TTC39C: variants seen among roughly 807,000 people sequenced by gnomAD.
TTC39C encodes the protein tetratricopeptide repeat domain 39C, also known as tetratricopeptide repeat protein 39C.
TTC39C carries 33 observed loss-of-function variants against 76.3 expected under a neutral mutation model. That is an observed-to-expected ratio of 0.43 (90% CI 0.33 to 0.58). TTC39C has a LOEUF of 0.58. Among genes scored for constraint, TTC39C ranks in the 20% least tolerant of loss-of-function variants. The pLI is 0.04. For synonymous variants in TTC39C, 254 were observed against 260.6 expected (o/e 0.97, Z 0.24); for missense variants, 595 against 701.4 (o/e 0.85, Z 1.71).
At chr18:24,001,236 A>C (rs8097053) in intron 1 of TTC39C, among the ~76,000 whole-genome samples, 141,370 of 152,216 alleles carry the variant, frequency 0.93, 66,410 homozygotes, top group East Asian at 1. Flanking sequence ...TGTTAGACTT[A>C]ATATCTGGAA....
At chr18:24,058,094 A>G (rs1218981699) in intron 1 of TTC39C, among the ~76,000 whole-genome samples, 1 of 152,216 alleles carries the variant, frequency 6.6e-6, no homozygotes, top group Non-Finnish European at 1.5e-5. Flanking sequence ...CTCACTTATA[A>G]GTGGGAGCTA....
intron 6 of TTC39C, among the ~76,000 whole-genome samples, chr18:24,086,044 G>T (rs9304424): frequency 0.75 from 114,701 of 152,092 alleles, 45,791 homozygotes; most frequent in Non-Finnish European, 0.89. Flanking sequence ...GCCAAAGGCT[G>T]TTTGTAAGGC....
At chr18:24,030,445 C>T (rs1213752755) in intron 1 of TTC39C, among the ~76,000 whole-genome samples, 1 of 152,072 alleles carries the variant, frequency 6.6e-6, no homozygotes, top group Admixed American at 6.5e-5. Flanking sequence ...TTAAGCAAAA[C>T]TAGAGAGGAA....
At chr18:24,081,215 T>G (rs145993506) in intron 5 of TTC39C, among the ~76,000 whole-genome samples, 36 of 152,342 alleles carry the variant, frequency 2.4e-4, no homozygotes, top group African/African-American at 7.0e-4. Flanking sequence ...TTTGTGACTT[T>G]GACCACATTC....
At chr18:24,053,819 A>G (rs889154370) in intron 1 of TTC39C, among the ~76,000 whole-genome samples, 13 of 152,320 alleles carry the variant, frequency 8.5e-5, no homozygotes, top group African/African-American at 2.9e-4. Flanking sequence ...TTCAAAGCAC[A>G]TATTTTTAGT....
At position 24,101,441 on chromosome 18, in the gene TTC39C, T is replaced by C. The variant is rs2084673939; in HGVS notation, c.985-13113T>C. On this transcript the variant is annotated intron_variant, in intron 6 of 13. Transcript: ENST00000317571. ...GGCCAACACAGGGAAACCCCGTCTC[T>C]ACTAAAACTCAGAAAGCTGAGGCAG... Among the ~76,000 whole-genome samples, 3 of 151,898 alleles carry C rather than the reference T, an allele frequency of 2.0e-5. No homozygotes were observed. In the South Asian group the frequency reaches 6.2e-4, roughly 32 times the overall value.
At chr18:24,096,734 T>A (rs1235163889) in intron 6 of TTC39C, among the ~76,000 whole-genome samples, 1 of 152,180 alleles carries the variant, frequency 6.6e-6, no homozygotes, top group Non-Finnish European at 1.5e-5. Context: ...ACTTTTTAAG[T>A]GAATATTATA....
chr18:24,114,196 G>A (rs894930), intron 6 of TTC39C: 223,434 of 276,110 alleles, frequency 0.81, 92,109 homozygotes, highest in Non-Finnish European at 0.87. Context: ...CTGTACAAGT[G>A]TGAGAGAACG....
intron 1 of TTC39C, among the ~76,000 whole-genome samples, chr18:24,047,666 C>T (rs939057148): frequency 6.6e-6 from 1 of 152,062 alleles, no homozygotes; most frequent in Non-Finnish European, 1.5e-5. Flanking sequence ...AGAGGAAAAC[C>T]TATGCTTGTA....
intron 7 of TTC39C, chr18:24,115,145 A>G (rs1025566589): frequency 4.6e-5 from 7 of 152,920 alleles, no homozygotes; most frequent in African/African-American, 1.7e-4. Flanking sequence ...GTGAAACCTC[A>G]TGCAGGGGGC....
intron 1 of TTC39C, among the ~76,000 whole-genome samples, chr18:24,040,823 G>A (rs1486698710): frequency 6.6e-6 from 1 of 152,176 alleles, no homozygotes; most frequent in Non-Finnish European, 1.5e-5. Flanking sequence ...TTGTGTGCAT[G>A]TGTGTAGATA....
At chr18:24,048,134 A>G (rs2083908069) in intron 1 of TTC39C, among the ~76,000 whole-genome samples, 1 of 152,180 alleles carries the variant, frequency 6.6e-6, no homozygotes, top group Admixed American at 6.5e-5. Flanking sequence ...TTTATCTATT[A>G]TATGTATGAT....
At chr18:24,012,187 C>A (rs2083398643), upstream of TTC39C, among the ~76,000 whole-genome samples, 1 of 144,824 alleles carries the variant, frequency 6.9e-6, no homozygotes, top group South Asian at 2.2e-4. Context: ...GTATCCCTCA[C>A]CACGGGCAAA....
intron 6 of TTC39C, among the ~76,000 whole-genome samples, chr18:24,088,961 T>C (rs1458804763): frequency 1.3e-5 from 2 of 152,208 alleles, no homozygotes; most frequent in Non-Finnish European, 2.9e-5. Context: ...AAGTGGGCTT[T>C]AGTGTTTTCT....
intron 4 of TTC39C, among the ~76,000 whole-genome samples, chr18:24,073,978 C>G (rs2084229556): frequency 6.6e-6 from 1 of 152,266 alleles, no homozygotes; most frequent in African/African-American, 2.4e-5. Context: ...TGTTTTACCT[C>G]TTCCCCACAT....
chr18:24,007,873 T>C (rs946166299), intron 1 of TTC39C, among the ~76,000 whole-genome samples: 9 of 130,974 alleles, frequency 6.9e-5, no homozygotes, highest in Admixed American at 5.9e-4. Flanking sequence ...CAAGTAAATA[T>C]GTGAACAGAA....
At chr18:24,014,158 T>C (rs1001051236), upstream of TTC39C, among the ~76,000 whole-genome samples, 2 of 152,212 alleles carry the variant, frequency 1.3e-5, no homozygotes, top group Admixed American at 1.3e-4. Flanking sequence ...GGGAATTGGC[T>C]GCCCTGGTCC....
intron 1 of TTC39C, among the ~76,000 whole-genome samples, chr18:24,018,160 G>A (rs2083476444): frequency 6.6e-6 from 1 of 152,236 alleles, no homozygotes; most frequent in African/African-American, 2.4e-5. Context: ...TGGAAGTATA[G>A]TAATAATGTA....
At chr18:24,057,223 A>G (rs1199386252) in intron 1 of TTC39C, among the ~76,000 whole-genome samples, 1 of 152,184 alleles carries the variant, frequency 6.6e-6, no homozygotes, top group African/African-American at 2.4e-5. Context: ...AAAGTAGAAA[A>G]TCCTTTAAAA....
Sources: gnomAD v4.1 joint callset for allele counts (sites outside exome capture counted in the v4.1 genomes callset) on GRCh38, gnomAD v4.1.1 for gene constraint, MANE v1.5 for transcripts, NCBI Gene and HGNC (gene_info 2026-07-23, HGNC 2026-07-21) for gene names.